Variants in TIMM8B observed in about 807,000 individuals in gnomAD.
The protein encoded by TIMM8B is translocase of inner mitochondrial membrane 8 homolog B.
Under a neutral mutation model 8.5 loss-of-function variants are expected in TIMM8B, and 5 were observed. The ratio of observed to expected loss-of-function variants is 0.59; its 90% CI spans 0.31 to 1.24. The LOEUF (loss-of-function observed/expected upper bound fraction) is 1.24. TIMM8B is among the 50% of genes most tolerant of loss of function. TIMM8B has a pLI of 0.07. For missense variants in TIMM8B, 104 were observed against 109.2 expected (o/e 0.95, Z 0.21); for synonymous variants, 44 against 39.9 (o/e 1.10, Z -0.39).
At chr11:112,086,126 G>T in intron 1 of TIMM8B, 1 of 1,056,360 alleles carries the variant, frequency 9.5e-7, no homozygotes, top group Non-Finnish European at 1.3e-6. Flanking sequence ...TGTCCGAAGG[G>T]CTCCAAACCC....
Position 112,085,168 on chromosome 11 carries a change from T to C in TIMM8B, c.*127A>G. ...TCTTTGAACATTTCATCTTTTACTT[T>C]TTAGCACCAACAGACTTGATAACAG... is the stretch of plus-strand genomic sequence containing the variant. On this transcript the variant is annotated 3_prime_UTR_variant, in exon 2 of 2. Transcript: ENST00000504148. 1.5e-6 allele frequency: 1 copy of C among 653,230 alleles called. No homozygotes were observed. Among genetic ancestry groups the C allele is most frequent in the African/African-American group, 1.8e-5 (1 of 55,698 alleles). The allele number at this position is 653,230 out of a possible 1,614,324, so 40.5% of individuals were successfully genotyped here.
At chr11:112,086,019 G>A (rs1865589230) in intron 1 of TIMM8B, 1 of 1,160,660 alleles carries the variant, frequency 8.6e-7, no homozygotes. Context: ...TCTCTCTAAG[G>A]TCCTCAAGGA....
In TIMM8B at chr11:112,086,531, C is replaced by T. The variant is rs368052804; in HGVS notation, c.84+109G>A. 52 of 1,441,618 alleles carry T rather than the reference C, an allele frequency of 3.6e-5. No homozygotes were observed. The East Asian group carries it at 8.4e-4, about 23-fold the overall frequency. The allele number at this position is 1,441,618 out of a possible 1,614,324, so 89.3% of individuals were successfully genotyped here. A position where few individuals can be genotyped will look rare whatever the true frequency, so the allele number is the denominator to read the frequency against. On this transcript the variant is annotated intron_variant, in intron 1 of 1. Transcript: ENST00000504148. ...TGTCTTTCGTGAGGGGAATGGGATG[C>T]AGCCGGGATCGAGCACCAGTGAGCC...
At position 112,086,437 on chromosome 11, in the gene TIMM8B, C is replaced by A. The variant is rs555430846; in HGVS notation, c.84+203G>T. Reference sequence around the variant, plus strand: ...TTCCCTGTTTTACACCTTTTCTTTTCTCCACGCTACGCTTATATACCTGGC... The same window carrying A: ...TTCCCTGTTTTACACCTTTTCTTTTATCCACGCTACGCTTATATACCTGGC... On this transcript the variant is annotated intron_variant, in intron 1 of 1. Transcript: ENST00000504148. The A allele has an allele frequency of 8.9e-4, 761 of 857,098 alleles. 2 individuals carry two copies. The highest frequency in any genetic ancestry group is 8.0e-3 in the Middle Eastern group (37 of 4,636). 53.1% of individuals were successfully genotyped at this position (857,098 alleles called of 1,614,324 possible).
chr11:112,085,207 T>A lies in TIMM8B; in HGVS notation c.*88A>T. On this transcript the variant is annotated 3_prime_UTR_variant, in exon 2 of 2. Coordinates refer to ENST00000504148, the MANE Select transcript of TIMM8B (RefSeq NM_012459.4). ...ACTTGATAACAGCCTGATGCTGATC[T>A]GACAATGGGTTGATAGCCTTCCCCC... The A allele has an allele frequency of 9.3e-7, 1 of 1,076,220 alleles. No individual in the cohort carries two copies. Among genetic ancestry groups the A allele is most frequent in the East Asian group, 2.4e-5 (1 of 41,124 alleles). The allele number at this position is 1,076,220 out of a possible 1,614,324, so 66.7% of individuals were successfully genotyped here.
rs536857236 is a variant in TIMM8B at position 112,086,704 on chromosome 11, G to T, written c.20C>A (p.Ala7Asp). Residue 7 changes from alanine to aspartate, a missense_variant, in exon 1 of 2, where the codon GCC (alanine) becomes GAC (aspartate). By Grantham distance (126) the Ala-to-Asp change is moderately radical. Coordinates refer to ENST00000504148, the MANE Select transcript of TIMM8B (RefSeq NM_012459.4). ...CAGGCGCTGCAACTCCGCTTCATCG[G>T]CTTCGCCCAGCTCCGCCATTGTTCG... MAELGE[A>D]DEAELQRLVA... The T allele has an allele frequency of 5.6e-5, 89 of 1,602,112 alleles. 1 individual carries two copies. The Admixed American group carries it at 1.5e-3, about 27-fold the overall frequency.
chr11:112,085,100 C>T lies in TIMM8B; in HGVS notation c.*195G>A, dbSNP rs1865560415. ...TTCACACTTATTGAGTAACTGATGTCATACAACCTGGAATTTCTGAATTCC... is the reference window on the plus strand; with the variant it reads ...TTCACACTTATTGAGTAACTGATGTTATACAACCTGGAATTTCTGAATTCC... On this transcript the variant is annotated 3_prime_UTR_variant, in exon 2 of 2. Transcript: ENST00000504148. 2 of 455,974 alleles carry T rather than the reference C, an allele frequency of 4.4e-6. No homozygotes were observed. Among genetic ancestry groups the T allele is most frequent in the East Asian group, 6.3e-5 (2 of 31,578 alleles). The allele number at this position is 455,974 out of a possible 1,614,324, so 28.2% of individuals were successfully genotyped here.
chr11:112,086,126 G>A, intron 1 of TIMM8B: 1 of 1,056,368 alleles, frequency 9.5e-7, no homozygotes, highest in East Asian at 6.0e-5. Context: ...TGTCCGAAGG[G>A]CTCCAAACCC....
chr11:112,086,436 T>C (rs374074756), intron 1 of TIMM8B: 2 of 852,464 alleles, frequency 2.3e-6, no homozygotes, highest in East Asian at 2.7e-5. Flanking sequence ...CCTTTTCTTT[T>C]CTCCACGCTA....
intron 1 of TIMM8B, chr11:112,085,946 A>G (rs1030054824): frequency 1.3e-5 from 14 of 1,047,840 alleles, no homozygotes; most frequent in Non-Finnish European, 1.6e-5. Flanking sequence ...CCTCCCACCC[A>G]AAAGGAAAAA....
At position 112,086,703 on chromosome 11, in the gene TIMM8B, G is replaced by C. The variant is rs61734353; in HGVS notation, c.21C>G (p.Ala7=). ...CCAGGCGCTGCAACTCCGCTTCATC[G>C]GCTTCGCCCAGCTCCGCCATTGTTC... MAELGE[A]DEAELQRLVA... The change falls in exon 1 of 2, where the codon GCC becomes GCG. Residue 7 remains alanine (A), a synonymous_variant. Transcript: ENST00000504148. 3.7e-6 allele frequency: 6 copies of C among 1,603,112 alleles called. No homozygotes were observed. The South Asian group carries it at 6.7e-5, about 18-fold the overall frequency.
chr11:112,086,635 C>A lies in TIMM8B; in HGVS notation c.84+5G>T. On this transcript the variant is annotated splice_donor_5th_base_variant and intron_variant, in intron 1 of 1. Coordinates refer to ENST00000504148, the MANE Select transcript of TIMM8B (RefSeq NM_012459.4). ...CCTTTCCCTTCACCCTCCCCGTCCC[C>A]GCACCTGTGCAGTAAACTGCGCCTT... is the stretch of plus-strand genomic sequence containing the variant. The A allele has an allele frequency of 1.3e-6, 2 of 1,590,934 alleles. No individual in the cohort carries two copies.
chr11:112,085,015 C>T lies in TIMM8B; in HGVS notation c.*280G>A. The T allele has an allele frequency of 3.8e-6, 1 of 265,946 alleles. No homozygotes were observed. Among genetic ancestry groups the T allele is most frequent in the Non-Finnish European group, 7.1e-6 (1 of 140,762 alleles). 16.5% of individuals were successfully genotyped at this position (265,946 alleles called of 1,614,324 possible). On this transcript the variant is annotated 3_prime_UTR_variant, in exon 2 of 2. Transcript: ENST00000504148. The stretch of plus-strand genomic sequence containing the variant: ...CATGGAACATTTATTTCTAGTGTTC[C>T]TGCCAATCAGAGATCTCTATATTAA...
Position 112,085,238 on chromosome 11 carries a change from C to A in TIMM8B, c.*57G>T. On this transcript the variant is annotated 3_prime_UTR_variant, in exon 2 of 2. Coordinates refer to ENST00000504148, the MANE Select transcript of TIMM8B (RefSeq NM_012459.4). Reference sequence around the variant, plus strand: ...TGGGTTGATAGCCTTCCCCCACTGACCCTTAAATCTGCTTAGTAACAAGTC... The same window carrying A: ...TGGGTTGATAGCCTTCCCCCACTGAACCTTAAATCTGCTTAGTAACAAGTC... 1 of 1,485,376 alleles carries A rather than the reference C, an allele frequency of 6.7e-7. No individual in the cohort carries two copies. The highest frequency in any genetic ancestry group is 9.2e-7 in the Non-Finnish European group (1 of 1,085,946). The allele number at this position is 1,485,376 out of a possible 1,614,324, so 92.0% of individuals were successfully genotyped here.
chr11:112,086,192 A>G (rs963203543), intron 1 of TIMM8B: 3 of 543,358 alleles, frequency 5.5e-6, no homozygotes, highest in Non-Finnish European at 9.8e-6. Context: ...TCCTCCGATA[A>G]TGTTCTAGTC....
chr11:112,086,325 G>A, intron 1 of TIMM8B: 1 of 556,916 alleles, frequency 1.8e-6, no homozygotes, highest in South Asian at 1.5e-5. Context: ...AAGGAGCAGA[G>A]GGAGGATGAG....
rs1012982267 is a variant in TIMM8B at position 112,085,085 on chromosome 11, T to C, written c.*210A>G. On this transcript the variant is annotated 3_prime_UTR_variant, in exon 2 of 2. Transcript: ENST00000504148. ...AGAAGAGTTGGAGAATTCACACTTA[T>C]TGAGTAACTGATGTCATACAACCTG... is the stretch of plus-strand genomic sequence containing the variant. The C allele has an allele frequency of 2.3e-5, 10 of 431,472 alleles. No homozygotes were observed. The highest frequency in any genetic ancestry group is 6.6e-5 in the East Asian group (2 of 30,108). The allele number at this position is 431,472 out of a possible 1,614,324, so 26.7% of individuals were successfully genotyped here.
rs748276958 is a variant in TIMM8B at position 112,085,335 on chromosome 11, G to A, written c.212C>T (p.Thr71Ile). Residue 71 changes from threonine to isoleucine, a missense_variant, in exon 2 of 2, where the codon ACC becomes ATC. Thr to Ile is a moderately conservative substitution (Grantham distance 89, BLOSUM62 -1). Transcript: ENST00000504148. ...DRFIDTTLAI[T>I]SRFAQIVQKG... ...CTGTACAATCTGGGCAAACCGACTGGTGATGGCAAGAGTGGTGTCAATGAA... is the reference window on the plus strand; with the variant it reads ...CTGTACAATCTGGGCAAACCGACTGATGATGGCAAGAGTGGTGTCAATGAA... The A allele has an allele frequency of 5.0e-6, 8 of 1,612,942 alleles. 1 individual carries two copies. In the South Asian group the frequency reaches 7.7e-5, roughly 16 times the overall value.
At chr11:112,085,959 C>T in intron 1 of TIMM8B, 1 of 1,063,514 alleles carries the variant, frequency 9.4e-7, no homozygotes, top group Non-Finnish European at 1.2e-6. Flanking sequence ...AGGAAAAAAC[C>T]ATTTTACCAA....
Sources: gnomAD v4.1 joint callset for allele counts on GRCh38, gnomAD v4.1.1 for gene constraint, MANE v1.5 for transcripts, NCBI Gene and HGNC (gene_info 2026-07-23, HGNC 2026-07-21) for gene names.